The following PPFIA2 variants were observed in gnomAD, a reference collection of about 807,000 sequenced individuals.
PPFIA2 encodes liprin-alpha-2.
Under a neutral mutation model 175.5 loss-of-function variants are expected in PPFIA2, and 46 were observed. That is an observed-to-expected ratio of 0.26 (90% CI 0.21 to 0.34). The LOEUF (loss-of-function observed/expected upper bound fraction) is 0.34. PPFIA2 is among the 10% of genes least tolerant of loss of function. PPFIA2 has a pLI of 1.00. For synonymous variants in PPFIA2, 568 were observed against 511.4 expected (o/e 1.11, Z -1.49); for missense variants, 1,179 against 1,506.1 (o/e 0.78, Z 3.60).
chr12:81,329,116 C>A (rs2055529792), intron 21 of PPFIA2, among the ~76,000 whole-genome samples: 1 of 152,058 alleles, frequency 6.6e-6, no homozygotes, highest in African/African-American at 2.4e-5. Flanking sequence ...GCTTGTCATT[C>A]TCAAAATGAT....
At chr12:81,295,868 T>C (rs1473162459) in intron 23 of PPFIA2, among the ~76,000 whole-genome samples, 1 of 151,930 alleles carries the variant, frequency 6.6e-6, no homozygotes, top group African/African-American at 2.4e-5. Flanking sequence ...CGAGTGCCTA[T>C]AACTCCAGCT....
chr12:81,352,864 T>C (rs183251910), intron 17 of PPFIA2, among the ~76,000 whole-genome samples: 7 of 152,334 alleles, frequency 4.6e-5, no homozygotes, highest in Admixed American at 2.0e-4. Flanking sequence ...GTACTGTCAC[T>C]GATGTCATTA....
At chr12:81,357,328 C>G (rs979918874) in intron 16 of PPFIA2, among the ~76,000 whole-genome samples, 1 of 152,108 alleles carries the variant, frequency 6.6e-6, no homozygotes, top group Non-Finnish European at 1.5e-5. Flanking sequence ...GGTGCCAGTT[C>G]AAACCCAAAA....
chr12:81,643,978 T>A (rs980315784), intron 4 of PPFIA2, among the ~76,000 whole-genome samples: 2 of 151,914 alleles, frequency 1.3e-5, no homozygotes, highest in Non-Finnish European at 2.9e-5. Context: ...CTGAGATGAA[T>A]TGATGTCAAA....
chr12:81,368,262 C>T (rs2034101522), intron 13 of PPFIA2: 2 of 827,686 alleles, frequency 2.4e-6, no homozygotes, highest in African/African-American at 1.8e-5. Context: ...GGTTCCTAAA[C>T]CCTCTACTGG....
chr12:81,489,839 T>C (rs892720106), intron 4 of PPFIA2, among the ~76,000 whole-genome samples: 42 of 151,998 alleles, frequency 2.8e-4, no homozygotes, highest in African/African-American at 9.6e-4. Flanking sequence ...CTAACTCTTA[T>C]GGCATAACTT....
intron 7 of PPFIA2, among the ~76,000 whole-genome samples, chr12:81,424,070 CTG>C (rs1371517768): frequency 6.6e-6 from 1 of 152,000 alleles, no homozygotes; most frequent in Non-Finnish European, 1.5e-5. Context: ...ATTTTAATAT[CTG>C]TGCATTCTAG....
intron 4 of PPFIA2, among the ~76,000 whole-genome samples, chr12:81,568,211 C>T (rs2071733352): frequency 6.6e-6 from 1 of 152,174 alleles, no homozygotes; most frequent in South Asian, 2.1e-4. Flanking sequence ...TCCATATCTC[C>T]TGCTCTGGCT....
chr12:81,391,172 T>C (rs1016967500), intron 8 of PPFIA2, among the ~76,000 whole-genome samples: 1 of 151,964 alleles, frequency 6.6e-6, no homozygotes, highest in Admixed American at 6.6e-5. Flanking sequence ...TTCATATTTA[T>C]GTGTGGGAGC....
At chr12:81,706,088 T>C (rs1287369361) in intron 3 of PPFIA2, among the ~76,000 whole-genome samples, 1 of 152,232 alleles carries the variant, frequency 6.6e-6, no homozygotes, top group African/African-American at 2.4e-5. Context: ...ACATTGTATT[T>C]CTACTGGGCA....
At chr12:81,608,092 A>T (rs1481977635) in intron 4 of PPFIA2, among the ~76,000 whole-genome samples, 4 of 152,124 alleles carry the variant, frequency 2.6e-5, no homozygotes, top group Non-Finnish European at 4.4e-5. Flanking sequence ...GTGATGAATC[A>T]CATTTACTCA....
chr12:81,307,965 AT>A (rs11287991), intron 22 of PPFIA2, among the ~76,000 whole-genome samples: 118,529 of 151,970 alleles, frequency 0.78, 46,435 homozygotes, highest in Admixed American at 0.86. Context: ...CTCATGCTTT[AT>A]TTTTTTCTAT....
In PPFIA2 at chr12:81,303,922, G is replaced by A. The variant is rs2048493123; in HGVS notation, c.2643-4540C>T. ...AACTCTGGTTGAATGACTAAATCCA[G>A]ATGGAAATGCCTGGATTTTCATTCT... On this transcript the variant is annotated intron_variant, in intron 22 of 32. Transcript: ENST00000549396. Among the ~76,000 whole-genome samples, 3 of 152,152 alleles carry A rather than the reference G, an allele frequency of 2.0e-5. No individual in the cohort carries two copies. In the South Asian group the frequency reaches 6.2e-4, roughly 32 times the overall value.
chr12:81,562,585 C>G (rs2070339318), intron 4 of PPFIA2, among the ~76,000 whole-genome samples: 2 of 151,902 alleles, frequency 1.3e-5, no homozygotes, highest in African/African-American at 4.8e-5. Flanking sequence ...CGGTGGCTCA[C>G]GCCTGTAATC....
chr12:81,644,389 A>G (rs2065775922), intron 4 of PPFIA2, among the ~76,000 whole-genome samples: 1 of 151,982 alleles, frequency 6.6e-6, no homozygotes, highest in Non-Finnish European at 1.5e-5. Flanking sequence ...TTTTAAAATA[A>G]AGCTTTTCTA....
At chr12:81,570,334 TC>T (rs2072268374) in intron 4 of PPFIA2, among the ~76,000 whole-genome samples, 1 of 152,214 alleles carries the variant, frequency 6.6e-6, no homozygotes, top group Non-Finnish European at 1.5e-5. Flanking sequence ...CCCCATTTAT[TC>T]CTTTGAAAAA....
intron 25 of PPFIA2, 156 bp downstream of exon 25, chr12:81,284,085 G>T: frequency 1.6e-6 from 1 of 608,584 alleles, no homozygotes. Context: ...TCAAGAGAGT[G>T]CAGTAAAAGA....
chr12:81,422,096 ATG>A (rs1189944744), intron 7 of PPFIA2, among the ~76,000 whole-genome samples: 1 of 113,670 alleles, frequency 8.8e-6, no homozygotes, highest in Non-Finnish European at 1.7e-5. Flanking sequence ...GTGTATATAT[ATG>A]TGTGTATATA....
intron 3 of PPFIA2, among the ~76,000 whole-genome samples, chr12:81,708,233 A>G (rs1379659119): frequency 1.3e-5 from 2 of 152,096 alleles, no homozygotes; most frequent in Non-Finnish European, 2.9e-5. Flanking sequence ...ATGTATAGTA[A>G]TAATATACAT....
Sources: allele counts gnomAD v4.1 joint callset (sites outside exome capture counted in the v4.1 genomes callset), GRCh38; gene constraint gnomAD v4.1.1; transcripts MANE v1.5; gene names NCBI Gene and HGNC (gene_info 2026-07-23, HGNC 2026-07-21).